Variants in PIWIL4 observed in about 807,000 individuals in gnomAD.
PIWIL4 encodes the protein piwi like RNA-mediated gene silencing 4.
Under a neutral mutation model 100.9 loss-of-function variants are expected in PIWIL4, and 50 were observed. That is an observed-to-expected ratio of 0.50 (90% CI 0.39 to 0.63). PIWIL4 has a LOEUF of 0.63. PIWIL4 is among the 20% of genes least tolerant of loss of function. The pLI, the probability that PIWIL4 is intolerant of heterozygous loss-of-function variation, is 0.00. For missense variants in PIWIL4, 887 were observed against 1,043.3 expected (o/e 0.85, Z 2.06); for synonymous variants, 342 against 367.5 (o/e 0.93, Z 0.79).
At chr11:94,575,183 G>T (rs1948220803) in intron 3 of PIWIL4, 53 bp downstream of exon 3, 39 of 1,567,826 alleles carry the variant, frequency 2.5e-5, no homozygotes, top group Non-Finnish European at 3.4e-5. Flanking sequence ...CTTGCTTAAG[G>T]ACTTCCAAAT....
At chr11:94,611,502 C>A (rs1948786741) in intron 15 of PIWIL4, among the ~76,000 whole-genome samples, 1 of 152,046 alleles carries the variant, frequency 6.6e-6, no homozygotes, top group African/African-American at 2.4e-5. Context: ...TAGTGTCATA[C>A]TATGATGGTC....
intron 8 of PIWIL4, among the ~76,000 whole-genome samples, chr11:94,589,969 A>T (rs1413578055): frequency 6.6e-6 from 1 of 152,240 alleles, no homozygotes; most frequent in Admixed American, 6.5e-5. Flanking sequence ...TAGAAGCTCT[A>T]GCCGCATTTG....
chr11:94,588,884 T>G (rs914089561), intron 7 of PIWIL4, among the ~76,000 whole-genome samples: 13 of 152,242 alleles, frequency 8.5e-5, no homozygotes, highest in African/African-American at 2.9e-4. Flanking sequence ...GTCTAAGGAC[T>G]TTCCCACAGG....
chr11:94,599,106 T>G (rs945604278), intron 11 of PIWIL4, among the ~76,000 whole-genome samples: 1 of 152,204 alleles, frequency 6.6e-6, no homozygotes. Flanking sequence ...CAAAACTTTA[T>G]GGTAAAGTAC....
chr11:94,604,845 T>G (rs111238404), intron 13 of PIWIL4, among the ~76,000 whole-genome samples: 1,780 of 152,246 alleles, frequency 0.012, 33 homozygotes, highest in African/African-American at 0.04. Context: ...AAGTGCTATC[T>G]CTTTGCTTTT....
intron 8 of PIWIL4, among the ~76,000 whole-genome samples, chr11:94,590,366 G>A (rs189553418): frequency 3.7e-4 from 57 of 152,198 alleles, no homozygotes; most frequent in Non-Finnish European, 5.4e-4. Flanking sequence ...ACATCCCTGC[G>A]GTTCTCTGCT....
At chr11:94,590,249 G>A (rs1427196346) in intron 8 of PIWIL4, among the ~76,000 whole-genome samples, 1 of 152,134 alleles carries the variant, frequency 6.6e-6, no homozygotes, top group Non-Finnish European at 1.5e-5. Context: ...TTCTAGAAAG[G>A]TCAAGTTCAG....
At chr11:94,611,629 G>A (rs1330278723) in intron 15 of PIWIL4, among the ~76,000 whole-genome samples, 6 of 152,148 alleles carry the variant, frequency 3.9e-5, no homozygotes, top group Non-Finnish European at 5.9e-5. Context: ...TTTTGGTCAT[G>A]GGGGTAGATT....
At chr11:94,592,647 TCA>T (rs1231701979) in intron 8 of PIWIL4, among the ~76,000 whole-genome samples, 1 of 152,244 alleles carries the variant, frequency 6.6e-6, no homozygotes, top group African/African-American at 2.4e-5. Context: ...ATTATTGATC[TCA>T]GTGTCACAAT....
intron 7 of PIWIL4, among the ~76,000 whole-genome samples, chr11:94,587,971 G>A (rs914703434): frequency 6.6e-6 from 1 of 152,140 alleles, no homozygotes; most frequent in East Asian, 1.9e-4. Context: ...TTTATTTTAA[G>A]TTTTGGGATA....
chr11:94,620,347 TA>T (rs1948892540), intron 19 of PIWIL4, among the ~76,000 whole-genome samples: 1 of 152,176 alleles, frequency 6.6e-6, no homozygotes, highest in Non-Finnish European at 1.5e-5. Flanking sequence ...AGAAACAAAA[TA>T]ACAATAACTA....
At chr11:94,614,346 C>T (rs1481204868) in intron 15 of PIWIL4, among the ~76,000 whole-genome samples, 4 of 129,762 alleles carry the variant, frequency 3.1e-5, no homozygotes, top group African/African-American at 1.2e-4. Context: ...TCGCTCTTGT[C>T]ACGCAGGCTG....
At chr11:94,618,735 T>G (rs1213522067) in intron 17 of PIWIL4, among the ~76,000 whole-genome samples, 2 of 152,178 alleles carry the variant, frequency 1.3e-5, no homozygotes, top group Non-Finnish European at 2.9e-5. Flanking sequence ...GTCAGCTTCT[T>G]AAAATATTTG....
Position 94,595,444 on chromosome 11 carries a change from G to A in PIWIL4, c.1268+18G>A, listed in dbSNP as rs574622136. On this transcript the variant is annotated intron_variant, in intron 10 of 19. Transcript: ENST00000299001. ...ATCCAGAGGTACTGGATCACCGCAT[G>A]CATCCTTCCTGGGGCTGAGTTTTTA... 3.6e-5 allele frequency: 58 copies of A among 1,593,140 alleles called. No homozygotes were observed. Among genetic ancestry groups the A allele is most frequent in the Non-Finnish European group, 4.8e-5 (56 of 1,164,118 alleles).
At chr11:94,574,450 T>C (rs534563946) in intron 2 of PIWIL4, among the ~76,000 whole-genome samples, 26 of 152,312 alleles carry the variant, frequency 1.7e-4, no homozygotes, top group African/African-American at 5.8e-4. Context: ...GGCTTTCTCC[T>C]TAGCCAAGAA....
At chr11:94,607,386 T>G in intron 13 of PIWIL4, 53 bp from the exon 14 acceptor site, 1 of 1,516,388 alleles carries the variant, frequency 6.6e-7, no homozygotes, top group Non-Finnish European at 9.1e-7. Flanking sequence ...AAAAAGCAAC[T>G]TCTTAGCAGA....
rs554791169 is a variant in PIWIL4, at chr11:94,583,535, G to T, written c.601G>T (p.Val201Leu). The T allele has an allele frequency of 6.2e-7, 1 of 1,614,044 alleles. No homozygotes were observed. The highest frequency in any genetic ancestry group is 8.5e-7 in the Non-Finnish European group (1 of 1,179,926). The change falls in exon 5 of 20, where the codon GTG becomes TTG. Residue 201 changes from valine to leucine, a missense_variant. Transcript: ENST00000299001. ...LKRELPSSSP[V>L]CIQVFNIIFR... ...GAGGGAGCTGCCATCAAGTTCTCCC[G>T]TGTGCATCCAGGTCTTCAATATCAT...
intron 5 of PIWIL4, 52 bp from the exon 6 acceptor site, chr11:94,585,393 T>C (rs1948384569): frequency 7.8e-7 from 1 of 1,287,328 alleles, no homozygotes; most frequent in East Asian, 2.3e-5. Context: ...AACTTAGAAT[T>C]ACACTGTTAC....
At chr11:94,616,045 G>C (rs1409834675) in intron 15 of PIWIL4, among the ~76,000 whole-genome samples, 1 of 152,172 alleles carries the variant, frequency 6.6e-6, no homozygotes, top group Non-Finnish European at 1.5e-5. Flanking sequence ...TGCTAAATTA[G>C]TACATTAATT....
Sources: gnomAD v4.1 joint callset for allele counts (sites outside exome capture counted in the v4.1 genomes callset) on GRCh38, gnomAD v4.1.1 for gene constraint, MANE v1.5 for transcripts, NCBI Gene and HGNC (gene_info 2026-07-23, HGNC 2026-07-21) for gene names.